MAPK10: variants seen among roughly 807,000 people sequenced by gnomAD.
MAPK10 encodes the protein mitogen-activated protein kinase 10, also known as JNK3 alpha protein kinase.
In MAPK10, 25 loss-of-function variants were observed where a neutral mutation model predicts 59.3. That is an observed-to-expected ratio of 0.42 (90% CI 0.31 to 0.59). The LOEUF is 0.59. Among genes scored for constraint, MAPK10 ranks in the 20% least tolerant of loss-of-function variants. MAPK10 has a pLI of 0.15. For synonymous variants in MAPK10, 190 were observed against 200.5 expected (o/e 0.95, Z 0.44); for missense variants, 351 against 568.9 (o/e 0.62, Z 3.90).
chr4:86,064,358 G>A lies in MAPK10; in HGVS notation c.1018C>T (p.Leu340=). The change falls in exon 11 of 14, where the codon CTA becomes TTA. Residue 340 remains leucine (L), a synonymous_variant. Coordinates refer to ENST00000641462, the MANE Select transcript of MAPK10 (RefSeq NM_138982.4). The stretch of plus-strand genomic sequence containing the variant: ...ATTCTTTTTGCTGGGTCAATCACTA[G>A]CATCTTTGACAACAAGTCCCTGGCT... ...SQARDLLSKM[L]VIDPAKRISV... The A allele has an allele frequency of 3.7e-6, 6 of 1,614,026 alleles. No homozygotes were observed. Among genetic ancestry groups the A allele is most frequent in the Non-Finnish European group, 4.2e-6 (5 of 1,179,918 alleles).
chr4:86,167,432 C>A (rs1478898593), intron 3 of MAPK10, among the ~76,000 whole-genome samples: 1 of 152,162 alleles, frequency 6.6e-6, no homozygotes, highest in East Asian at 1.9e-4. Context: ...AAACTTAAGG[C>A]CAATATTCCT....
intron 1 of MAPK10, among the ~76,000 whole-genome samples, chr4:86,499,191 A>G (rs940861796): frequency 6.6e-6 from 1 of 152,232 alleles, no homozygotes; most frequent in Admixed American, 6.5e-5. Flanking sequence ...ACCTCAGGAT[A>G]ACACACACAG....
At chr4:86,335,910 G>A (rs1721025574) in intron 2 of MAPK10, among the ~76,000 whole-genome samples, 1 of 152,124 alleles carries the variant, frequency 6.6e-6, no homozygotes, top group African/African-American at 2.4e-5. Context: ...TTGACATGTG[G>A]GGATTACAGG....
chr4:86,565,430 C>G (rs1037005168), intron 1 of MAPK10, among the ~76,000 whole-genome samples: 2 of 152,094 alleles, frequency 1.3e-5, no homozygotes, highest in African/African-American at 4.8e-5. Context: ...ATAAATTACT[C>G]TCAAACACAC....
chr4:86,048,503 T>C (rs2042929970), intron 11 of MAPK10, among the ~76,000 whole-genome samples: 1 of 152,116 alleles, frequency 6.6e-6, no homozygotes, highest in African/African-American at 2.4e-5. Context: ...AACACAGATA[T>C]TGCTGAGTTA....
chr4:86,312,378 C>G (rs2095688424), intron 2 of MAPK10, among the ~76,000 whole-genome samples: 1 of 152,050 alleles, frequency 6.6e-6, no homozygotes, highest in South Asian at 2.1e-4. Context: ...CTAGTTTTCA[C>G]ATATGAAAAT....
chr4:86,036,492 C>T (rs2040330430), intron 11 of MAPK10, among the ~76,000 whole-genome samples: 1 of 151,328 alleles, frequency 6.6e-6, no homozygotes. Context: ...GAGAAACCAC[C>T]ATATGTTAAG....
chr4:86,491,387 G>A (rs780805893), intron 1 of MAPK10, among the ~76,000 whole-genome samples: 15 of 152,120 alleles, frequency 9.9e-5, no homozygotes, highest in Non-Finnish European at 1.9e-4. Context: ...CCCTCAAGCC[G>A]CTCCCTTTGC....
intron 1 of MAPK10, among the ~76,000 whole-genome samples, chr4:86,533,325 T>G (rs192318554): frequency 2.6e-5 from 4 of 152,280 alleles, no homozygotes; most frequent in African/African-American, 9.6e-5. Flanking sequence ...TGGAGATGGA[T>G]AGCAGTGATA....
chr4:86,453,110 GTCCCCTGCCACGCCATTTCT>G (rs1750918874), exon 1 of MAPK10: 1 of 152,286 alleles, frequency 6.6e-6, no homozygotes, highest in Admixed American at 6.5e-5. Context: ...GGCTCGCTGG[GTCCCCTGCCACGCCATTTCT>G]GCCTGGCCTC....
chr4:86,300,942 A>G (rs902570099), intron 2 of MAPK10: 2 of 151,902 alleles, frequency 1.3e-5, no homozygotes, highest in African/African-American at 4.8e-5. Context: ...GAGAGGGAAC[A>G]GTTCCAAAAA....
intron 2 of MAPK10, among the ~76,000 whole-genome samples, chr4:86,288,864 G>A (rs1254591539): frequency 6.7e-6 from 1 of 150,036 alleles, no homozygotes; most frequent in Non-Finnish European, 1.5e-5. Flanking sequence ...TAATTATCAA[G>A]AACTTGATAT....
At chr4:86,426,199 T>C (rs1747258976) in intron 1 of MAPK10, among the ~76,000 whole-genome samples, 2 of 152,248 alleles carry the variant, frequency 1.3e-5, no homozygotes, top group Non-Finnish European at 2.9e-5. Flanking sequence ...TAATGTTTAC[T>C]GAATACAACG....
intron 1 of MAPK10, among the ~76,000 whole-genome samples, chr4:86,441,062 G>T (rs1456819460): frequency 6.6e-6 from 1 of 152,132 alleles, no homozygotes; most frequent in African/African-American, 2.4e-5. Context: ...GTAGATTAAA[G>T]ATTTCAGATT....
chr4:86,170,519 G>C (rs1315212988), intron 3 of MAPK10, among the ~76,000 whole-genome samples: 1 of 152,060 alleles, frequency 6.6e-6, no homozygotes, highest in Non-Finnish European at 1.5e-5. Flanking sequence ...AACAAGAAGA[G>C]CTAACTATCC....
chr4:86,577,130 C>T (rs543836551), intron 1 of MAPK10, among the ~76,000 whole-genome samples: 2 of 152,006 alleles, frequency 1.3e-5, no homozygotes, highest in African/African-American at 2.4e-5. Context: ...GTAGTGAGAA[C>T]CCCCGCAACC....
chr4:86,232,083 C>A (rs1394763234), intron 2 of MAPK10, among the ~76,000 whole-genome samples: 2 of 152,190 alleles, frequency 1.3e-5, no homozygotes, highest in African/African-American at 4.8e-5. Flanking sequence ...GGGTTTCTAA[C>A]ACAGCTATTC....
Position 86,017,148 on chromosome 4 carries a change from TGTGTGTGTGTGTCTGC to T in MAPK10, c.*64_*79del, listed in dbSNP as rs913368378. ...TTGATGTTGTGTGTCTGCATTTGTGTGTGTGTGTGTGTCTGCGTGTGTGTGTGTTCCATCACATCAT... is the reference window on the plus strand; with the variant it reads ...TTGATGTTGTGTGTCTGCATTTGTGTGTGTGTGTGTGTTCCATCACATCAT... On this transcript the variant is annotated 3_prime_UTR_variant, in exon 14 of 14. Transcript: ENST00000641462. This position sits in a 1 kb window ranked among gnomAD's most constrained non-coding sequence, Gnocchi z 4.4. 2.1e-6 allele frequency: 3 copies of T among 1,420,940 alleles called. No homozygotes were observed. Among genetic ancestry groups the T allele is most frequent in the South Asian group, 1.3e-5 (1 of 78,344 alleles). 88.0% of individuals were successfully genotyped at this position (1,420,940 alleles called of 1,614,324 possible).
At chr4:86,281,376 C>G (rs992393205) in intron 2 of MAPK10, among the ~76,000 whole-genome samples, 1 of 151,944 alleles carries the variant, frequency 6.6e-6, no homozygotes, top group Non-Finnish European at 1.5e-5. Context: ...TGGTGCACAC[C>G]TGTAATGCCA....
Sources: gnomAD v4.1 joint callset for allele counts (sites outside exome capture counted in the v4.1 genomes callset) on GRCh38, gnomAD v4.1.1 for gene constraint, Gnocchi (gnomAD v3.1) non-coding constraint, MANE v1.5 for transcripts, NCBI Gene and HGNC (gene_info 2026-07-23, HGNC 2026-07-21) for gene names.